The following CD36 variants were observed in gnomAD, a reference collection of about 807,000 sequenced individuals.
The protein encoded by CD36 is platelet glycoprotein 4.
A neutral mutation model predicts 55.2 loss-of-function variants in CD36; 119 were observed. The observed-to-expected ratio is 2.15, with a 90% CI of 1.86 to 2.51. The LOEUF (loss-of-function observed/expected upper bound fraction) is 2.51. CD36 is among the 30% of genes most tolerant of loss of function. The probability of loss-of-function intolerance (pLI) is 0.00; values close to 1 mark genes in which losing one functional copy is unlikely to be tolerated. For synonymous variants in CD36, 186 were observed against 193.6 expected (o/e 0.96, Z 0.33); for missense variants, 819 against 555.5 (o/e 1.47, Z -4.77).
At chr7:80,636,633 T>C (rs1230131952), upstream of CD36, among the ~76,000 whole-genome samples, 1 of 152,060 alleles carries the variant, frequency 6.6e-6, no homozygotes, top group Non-Finnish European at 1.5e-5. Flanking sequence ...AGTGTTATAG[T>C]GGATTTACAT....
At chr7:80,666,125 G>GAA in intron 7 of CD36, 17 of 289,052 alleles carry the variant, frequency 5.9e-5, no homozygotes, top group South Asian at 1.9e-4. Flanking sequence ...TATCCCATTG[G>GAA]AAAAAAAAAA....
At chr7:80,642,406 A>C (rs938619544) in intron 1 of CD36, among the ~76,000 whole-genome samples, 3 of 152,144 alleles carry the variant, frequency 2.0e-5, no homozygotes, top group Admixed American at 2.0e-4. Context: ...AATTTGGTGG[A>C]ATGGTGGAGA....
intron 9 of CD36, 64 bp from the exon 10 acceptor site, chr7:80,670,913 A>G: frequency 8.9e-7 from 1 of 1,118,868 alleles, no homozygotes; most frequent in South Asian, 1.3e-5. Flanking sequence ...AGAATAAGAA[A>G]AAATGAATCT....
chr7:80,643,115 C>T (rs1251599972), intron 1 of CD36, among the ~76,000 whole-genome samples: 1 of 152,130 alleles, frequency 6.6e-6, no homozygotes, highest in East Asian at 1.9e-4. Context: ...GCACTACTCC[C>T]TGGTTTCTTC....
intron 1 of CD36, among the ~76,000 whole-genome samples, chr7:80,642,764 T>C (rs1794906257): frequency 6.6e-6 from 1 of 152,124 alleles, no homozygotes; most frequent in Admixed American, 6.6e-5. Flanking sequence ...ATAGACAAGT[T>C]CAGTTTGTCT....
rs1562815503 is a variant in CD36, at chr7:80,666,509, G to A, written c.748+20G>A. On this transcript the variant is annotated intron_variant, in intron 8 of 14. Coordinates refer to ENST00000447544, the MANE Select transcript of CD36 (RefSeq NM_001001548.3). The stretch of plus-strand genomic sequence containing the variant: ...GTACAGGTAAGAATATTTGTTTTGT[G>A]GTCATCACAGTTAATCCACCTCCCT... The A allele has an allele frequency of 6.9e-6, 11 of 1,587,272 alleles. No homozygotes were observed. The highest frequency in any genetic ancestry group is 1.7e-5 in the Admixed American group (1 of 59,942).
At position 80,671,101 on chromosome 7, in the gene CD36, G is replaced by A; in HGVS notation, c.943G>A (p.Glu315Lys). The stretch of plus-strand genomic sequence containing the variant: ...CCCAGACAACTATTGTTTCTGCACA[G>A]AAAAAATTATCTCAAAAAATTGTAC... The part of the protein sequence containing the change: ...ENPDNYCFCT[E>K]KIISKNCTSY... Residue 315 changes from glutamate to lysine, a missense_variant, in exon 10 of 15, where the codon GAA (glutamate) becomes AAA (lysine). Physicochemically the swap from Glu to Lys is moderately conservative, Grantham distance 56. Transcript: ENST00000447544. The A allele has an allele frequency of 6.2e-7, 1 of 1,613,352 alleles. No individual in the cohort carries two copies. Among genetic ancestry groups the A allele is most frequent in the Non-Finnish European group, 8.5e-7 (1 of 1,179,590 alleles).
At chr7:80,613,522 C>T (rs1037302988) in intron 1 of CD36, among the ~76,000 whole-genome samples, 4 of 152,090 alleles carry the variant, frequency 2.6e-5, no homozygotes, top group African/African-American at 9.7e-5. Context: ...GATCCTACTT[C>T]ATCTTTCCTA....
At chr7:80,671,339 T>A (rs1293530536) in intron 10 of CD36, among the ~76,000 whole-genome samples, 175 bp downstream of exon 10, 1 of 152,046 alleles carries the variant, frequency 6.6e-6, no homozygotes, top group African/African-American at 2.4e-5. Context: ...AAAATTAAAG[T>A]AAGAAAGTAA....
chr7:80,606,559 C>A (rs1792560293), intron 1 of CD36, among the ~76,000 whole-genome samples: 1 of 152,216 alleles, frequency 6.6e-6, no homozygotes, highest in African/African-American at 2.4e-5. Flanking sequence ...CCCCAGTCTG[C>A]ATGCAAAACT....
rs748787273 is a variant in CD36 at position 80,666,454 on chromosome 7, A to G, written c.713A>G (p.Tyr238Cys). The part of the protein sequence containing the change: ...DTYKGKRNLS[Y>C]WESHCDMING... ...TTTTCTATTCCTAGGAATCTGTCCT[A>G]TTGGGAAAGTCACTGCGACATGATT... The change falls in exon 8 of 15, where the codon TAT becomes TGT. Residue 238 changes from tyrosine to cysteine, a missense_variant. By Grantham distance (194) the Tyr-to-Cys change is radical. Transcript: ENST00000447544. 9.3e-6 allele frequency: 15 copies of G among 1,605,360 alleles called. No individual in the cohort carries two copies. The Admixed American group carries it at 1.8e-4, about 20-fold the overall frequency.
rs1292364971 is a variant in CD36 at position 80,672,024 on chromosome 7, A to G, written c.1109A>G (p.Tyr370Cys). The change falls in exon 11 of 15, where the codon TAC becomes TGC. Residue 370 changes from tyrosine (Y) to cysteine (C), a missense_variant. Transcript: ENST00000447544. ...LNPNEEEHRT[Y>C]LDIEPITGFT... ...CCAAATGAAGAAGAACATAGGACAT[A>G]CTTGGATATTGAACCTGTAAGAAAA... is the stretch of plus-strand genomic sequence containing the variant. 2 of 1,607,484 alleles carry G rather than the reference A, an allele frequency of 1.2e-6. No homozygotes were observed. Among genetic ancestry groups the G allele is most frequent in the Admixed American group, 3.3e-5 (2 of 59,896 alleles).
chr7:80,622,066 T>TAC (rs1205399788), intron 1 of CD36, among the ~76,000 whole-genome samples: 1 of 152,172 alleles, frequency 6.6e-6, no homozygotes, highest in Non-Finnish European at 1.5e-5. Flanking sequence ...ACAACCAGCA[T>TAC]ACACTCCCCA....
At chr7:80,645,507 C>G (rs1795101327) in intron 1 of CD36, among the ~76,000 whole-genome samples, 1 of 151,714 alleles carries the variant, frequency 6.6e-6, no homozygotes, top group Non-Finnish European at 1.5e-5. Context: ...TGGCGTGCAC[C>G]TGTAATCCCA....
At chr7:80,622,732 A>C (rs886329398) in intron 1 of CD36, among the ~76,000 whole-genome samples, 1 of 152,208 alleles carries the variant, frequency 6.6e-6, no homozygotes, top group Non-Finnish European at 1.5e-5. Context: ...TATCCGAACA[A>C]ATGTGCATTT....
intron 3 of CD36, 90 bp downstream of exon 3, chr7:80,646,950 G>A: frequency 1.4e-6 from 2 of 1,398,838 alleles, no homozygotes; most frequent in East Asian, 2.3e-5. Flanking sequence ...TATATTTCAT[G>A]GTAACTGCTA....
At chr7:80,651,063 G>A (rs1795574097) in intron 3 of CD36, among the ~76,000 whole-genome samples, 1 of 152,114 alleles carries the variant, frequency 6.6e-6, no homozygotes, top group Non-Finnish European at 1.5e-5. Flanking sequence ...ATTAATGTCA[G>A]TTGATAAAAA....
At chr7:80,608,960 T>C (rs541201419) in intron 1 of CD36, among the ~76,000 whole-genome samples, 2 of 144,350 alleles carry the variant, frequency 1.4e-5, no homozygotes, top group East Asian at 4.5e-4. Flanking sequence ...CATAATTTCC[T>C]TTCTAGATTA....
chr7:80,670,901 C>A (rs1036543468), intron 9 of CD36, 76 bp from the exon 10 acceptor site: 8 of 1,036,034 alleles, frequency 7.7e-6, no homozygotes, highest in Non-Finnish European at 1.2e-5. Context: ...TAAGTTAAAA[C>A]AAGAATAAGA....
Sources: allele counts gnomAD v4.1 joint callset (sites outside exome capture counted in the v4.1 genomes callset), GRCh38; gene constraint gnomAD v4.1.1; transcripts MANE v1.5; gene names NCBI Gene and HGNC (gene_info 2026-07-23, HGNC 2026-07-21).